Variants in COL7A1 observed in about 807,000 individuals in gnomAD.
COL7A1 encodes the protein collagen type VII alpha 1 chain.
A neutral mutation model predicts 456.2 loss-of-function variants in COL7A1; 296 were observed. The observed-to-expected ratio is 0.65, with a 90% CI of 0.59 to 0.71. COL7A1 has a LOEUF of 0.71. Among genes scored for constraint, COL7A1 ranks in the 30% least tolerant of loss-of-function variants. The pLI is 0.00. For missense variants in COL7A1, 3,441 were observed against 4,017.2 expected, an observed-to-expected ratio of 0.86 and a Z score of 3.88; for synonymous variants, 1,464 against 1,525.9, an observed-to-expected ratio of 0.96 and a Z score of 0.95.
In COL7A1 at chr3:48,587,921, C is replaced by T. The variant is rs373718618; in HGVS notation, c.2729G>A (p.Arg910Gln). ...GCTGCTGAGCTCGGGCCCCAGGACC[C>T]GGGACTGTTCCTGGCCACCTGGGGC... is the stretch of plus-strand genomic sequence containing the variant. The part of the protein sequence containing the change: ...WQPEGGQEQS[R>Q]VLGPELSSYH... Residue 910 changes from arginine to glutamine, a missense_variant, in exon 22 of 119, where the codon CGG becomes CAG. By Grantham distance (43) the Arg-to-Gln change is conservative. Transcript: ENST00000681320. This position sits in a 1 kb window ranked among gnomAD's most constrained non-coding sequence, Gnocchi z 6.1. 3.3e-5 allele frequency: 53 copies of T among 1,598,430 alleles called. No individual in the cohort carries two copies. The highest frequency in any genetic ancestry group is 7.9e-5 in the South Asian group (7 of 89,072).
Position 48,574,466 on chromosome 3 carries a change from T to C in COL7A1, c.6456+22A>G. 2 of 1,614,150 alleles carry C rather than the reference T, an allele frequency of 1.2e-6. No homozygotes were observed. Among genetic ancestry groups the C allele is most frequent in the East Asian group, 2.2e-5 (1 of 44,894 alleles). ...TGAGAGCCACCTTCTTGCACATGTG[T>C]GGCTGTTGGGCAAGGACTTACCGGG... On this transcript the variant is annotated intron_variant, in intron 79 of 118. Coordinates refer to ENST00000681320, the MANE Select transcript of COL7A1 (RefSeq NM_000094.4). The surrounding 1 kb of genome is among the most constrained non-coding windows in gnomAD (Gnocchi z 5.0).
rs1336190540 is a variant in COL7A1 at position 48,570,657 on chromosome 3, A to T, written c.7326T>A (p.Pro2442=). Residue 2442 remains proline (P), a synonymous_variant, in exon 96 of 119, where the codon CCT becomes CCA. Coordinates refer to ENST00000681320, the MANE Select transcript of COL7A1 (RefSeq NM_000094.4). This position sits in a 1 kb window ranked among gnomAD's most constrained non-coding sequence, Gnocchi z 5.5. The part of the protein sequence containing the change: ...REGIPGPLGP[P]GPPGSVGPPG... ...TACTCACCACTGACCCCGGTGGTCC[A>T]GGTGGCCCCAGGGGTCCTGGGATTC... The T allele has an allele frequency of 5.0e-6, 8 of 1,597,112 alleles. No homozygotes were observed. The highest frequency in any genetic ancestry group is 1.1e-5 in the South Asian group (1 of 89,064).
In COL7A1 at chr3:48,586,660, G is replaced by A. The variant is rs2854390; in HGVS notation, c.3306C>T (p.Pro1102=). ...AGCCATTCAGTGGGAACAGTGGGGAGGGCCGATGACTGTAAGACAGCAGGC... is the reference window on the plus strand; with the variant it reads ...AGCCATTCAGTGGGAACAGTGGGGAAGGCCGATGACTGTAAGACAGCAGGC... The part of the protein sequence containing the change: ...QVGLLSYSHR[P]SPLFPLNGSH... The change falls in exon 26 of 119, where the codon CCC becomes CCT. Residue 1102 remains proline, a synonymous_variant. Coordinates refer to ENST00000681320, the MANE Select transcript of COL7A1 (RefSeq NM_000094.4). This position sits in a 1 kb window ranked among gnomAD's most constrained non-coding sequence, Gnocchi z 5.1. 2 of 1,609,122 alleles carry A rather than the reference G, an allele frequency of 1.2e-6. No homozygotes were observed. Among genetic ancestry groups the A allele is most frequent in the South Asian group, 1.1e-5 (1 of 90,516 alleles).
Position 48,581,036 on chromosome 3 carries a change from G to A in COL7A1, c.4935+86C>T, listed in dbSNP as rs985250210. 3.1e-6 allele frequency: 5 copies of A among 1,600,192 alleles called. No homozygotes were observed. The highest frequency in any genetic ancestry group is 1.1e-5 in the South Asian group (1 of 90,592). ...AGCAGCTGGACAGGAGGCAGGGAGTGGATGGATGAACTGGTGGAGCACCAG... is the reference window on the plus strand; with the variant it reads ...AGCAGCTGGACAGGAGGCAGGGAGTAGATGGATGAACTGGTGGAGCACCAG... On this transcript the variant is annotated intron_variant, in intron 53 of 118. Transcript: ENST00000681320. The surrounding 1 kb of genome is among the most constrained non-coding windows in gnomAD (Gnocchi z 5.8).
At position 48,579,433 on chromosome 3, in the gene COL7A1, G is replaced by A. The variant is rs1268234510; in HGVS notation, c.5272-29C>T. The A allele has an allele frequency of 1.2e-6, 2 of 1,614,108 alleles. No individual in the cohort carries two copies. Among genetic ancestry groups the A allele is most frequent in the African/African-American group, 1.3e-5 (1 of 74,942 alleles). ...GAGGGAACAGGGTCAGATAAGAGGT[G>A]AGGGTAAGATGGGGACTTGGCAGAC... On this transcript the variant is annotated intron_variant, in intron 60 of 118. Transcript: ENST00000681320. The surrounding 1 kb of genome is among the most constrained non-coding windows in gnomAD (Gnocchi z 4.4).
In COL7A1 at chr3:48,589,727, G is replaced by T. The variant is rs1398478952; in HGVS notation, c.2051-9C>A. 1.9e-6 allele frequency: 3 copies of T among 1,613,962 alleles called. No homozygotes were observed. Among genetic ancestry groups the T allele is most frequent in the Non-Finnish European group, 2.5e-6 (3 of 1,180,040 alleles). On this transcript the variant is annotated splice_polypyrimidine_tract_variant and intron_variant, in intron 16 of 118. Transcript: ENST00000681320. ...CACTGGGCCCAGTGGGTCTAGTGGG[G>T]AGAGGCAATGGGGAGTCTGCTGGAA...
chr3:48,565,218 G>T lies in COL7A1; in HGVS notation c.8528-17C>A, dbSNP rs1439842580. The stretch of plus-strand genomic sequence containing the variant: ...GTACCCGCTCTGCAGGTAGGGCAGG[G>T]TGTGCTGGGAGCAGTGGCTGCTGGC... On this transcript the variant is annotated splice_polypyrimidine_tract_variant and intron_variant, in intron 116 of 118. Coordinates refer to ENST00000681320, the MANE Select transcript of COL7A1 (RefSeq NM_000094.4). The surrounding 1 kb of genome is among the most constrained non-coding windows in gnomAD (Gnocchi z 4.5). 1.2e-6 allele frequency: 2 copies of T among 1,609,908 alleles called. No homozygotes were observed. Among genetic ancestry groups the T allele is most frequent in the Non-Finnish European group, 8.5e-7 (1 of 1,177,230 alleles).
At position 48,583,375 on chromosome 3, in the gene COL7A1, C is replaced by A; in HGVS notation, c.4437+18G>T. 6.2e-7 allele frequency: 1 copy of A among 1,614,032 alleles called. No homozygotes were observed. Among genetic ancestry groups the A allele is most frequent in the Non-Finnish European group, 8.5e-7 (1 of 1,179,926 alleles). On this transcript the variant is annotated intron_variant, in intron 42 of 118. Transcript: ENST00000681320. The surrounding 1 kb of genome is among the most constrained non-coding windows in gnomAD (Gnocchi z 5.1). ...AGAGTAGCACCCCTCACACCTGAAT[C>A]CCCCAACTGGTACTCACTTTGGGGC... is the stretch of plus-strand genomic sequence containing the variant.
In COL7A1 at chr3:48,578,262, G is replaced by A; in HGVS notation, c.5532+59C>T. On this transcript the variant is annotated intron_variant, in intron 65 of 118. Transcript: ENST00000681320. The surrounding 1 kb of genome is among the most constrained non-coding windows in gnomAD (Gnocchi z 4.7). Reference sequence around the variant, plus strand: ...TCATGTGTTGCTACAGATCTTGGCTGTGTAGGTGTGCTGGCGTTTCTTGGC... The same window carrying A: ...TCATGTGTTGCTACAGATCTTGGCTATGTAGGTGTGCTGGCGTTTCTTGGC... 1 of 1,599,144 alleles carries A rather than the reference G, an allele frequency of 6.3e-7. No homozygotes were observed. The highest frequency in any genetic ancestry group is 8.6e-7 in the Non-Finnish European group (1 of 1,169,024).
Position 48,589,269 on chromosome 3 carries a change from C to T in COL7A1, c.2314+58G>A, listed in dbSNP as rs915728623. 26 of 1,609,900 alleles carry T rather than the reference C, an allele frequency of 1.6e-5. No individual in the cohort carries two copies. The African/African-American group carries it at 2.8e-4, about 17-fold the overall frequency. The stretch of plus-strand genomic sequence containing the variant: ...GGAGGCAGCTGGGCAATCAGGAACA[C>T]ACAGCAGGGCAGGGTAGCTAATGCG... On this transcript the variant is annotated intron_variant, in intron 18 of 118. Transcript: ENST00000681320.
Position 48,572,556 on chromosome 3 carries a change from G to C in COL7A1, c.6901-18C>G. 1 of 1,613,590 alleles carries C rather than the reference G, an allele frequency of 6.2e-7. No individual in the cohort carries two copies. The highest frequency in any genetic ancestry group is 1.1e-5 in the South Asian group (1 of 91,062). On this transcript the variant is annotated intron_variant, in intron 88 of 118. Transcript: ENST00000681320. The surrounding 1 kb of genome is among the most constrained non-coding windows in gnomAD (Gnocchi z 4.6). ...ACCACAGCCTGTGGGGAATGCTAGTGAGTTTCCTCCTCCTCCCCCGCCCCC... is the reference window on the plus strand; with the variant it reads ...ACCACAGCCTGTGGGGAATGCTAGTCAGTTTCCTCCTCCTCCCCCGCCCCC...
rs1451374859 is a variant in COL7A1, at chr3:48,575,669, C to A, written c.5936G>T (p.Gly1979Val). The A allele has an allele frequency of 1.7e-5, 28 of 1,613,498 alleles. No individual in the cohort carries two copies. The highest frequency in any genetic ancestry group is 2.4e-5 in the Non-Finnish European group (28 of 1,180,038). Residue 1979 changes from glycine (G) to valine (V), a missense_variant, in exon 73 of 119, where the codon GGC becomes GTC. Coordinates refer to ENST00000681320, the MANE Select transcript of COL7A1 (RefSeq NM_000094.4). The surrounding 1 kb of genome is among the most constrained non-coding windows in gnomAD (Gnocchi z 6.3). The stretch of plus-strand genomic sequence containing the variant: ...CTGTTCGCCTGAGTCCCCCTTGGGG[C>A]CTCGACGCCGTTCGGGCACAGGCAG... ...SFLPVPERRR[G>V]PKGDSGEQGP...
Position 48,576,466 on chromosome 3 carries a change from G to A in COL7A1, c.5737-31C>T, listed in dbSNP as rs532318858. Reference sequence around the variant, plus strand: ...AACAAGAATGACCAGGTGGGGAAATGGCCCCCAGCCTGGTCAGCCCCCTCA... The same window carrying A: ...AACAAGAATGACCAGGTGGGGAAATAGCCCCCAGCCTGGTCAGCCCCCTCA... On this transcript the variant is annotated intron_variant, in intron 69 of 118. Transcript: ENST00000681320. The A allele has an allele frequency of 1.9e-6, 3 of 1,613,028 alleles. No homozygotes were observed. The East Asian group carries it at 6.7e-5, about 36-fold the overall frequency.
In COL7A1 at chr3:48,567,305, A is replaced by G; in HGVS notation, c.8047-115T>C. The G allele has an allele frequency of 1.5e-6, 2 of 1,325,052 alleles. No individual in the cohort carries two copies. 82.1% of individuals were successfully genotyped at this position (1,325,052 alleles called of 1,614,324 possible). On this transcript the variant is annotated intron_variant, in intron 109 of 118. Coordinates refer to ENST00000681320, the MANE Select transcript of COL7A1 (RefSeq NM_000094.4). This position sits in a 1 kb window ranked among gnomAD's most constrained non-coding sequence, Gnocchi z 4.3. ...TGCCCAAACCTTCTGTAACCCAAGC[A>G]CCTGTGAGCCAACCAGATGTGATCC...
intron 71 of COL7A1, 22 bp downstream of exon 71, chr3:48,576,227 G>A (rs577552180): frequency 1.1e-5 from 17 of 1,613,234 alleles, no homozygotes; most frequent in African/African-American, 5.3e-5. Context: ...AGAGTCAAGG[G>A]GACATCCCAA....
In COL7A1 at chr3:48,567,977, G is replaced by C; in HGVS notation, c.7876-86C>G. ...ACCCTGAAACTAACTCTCCAAACAG[G>C]CCTCAGCTACTCCAACCTCTGACCC... On this transcript the variant is annotated intron_variant, in intron 106 of 118. Transcript: ENST00000681320. The surrounding 1 kb of genome is among the most constrained non-coding windows in gnomAD (Gnocchi z 4.3). The C allele has an allele frequency of 6.2e-7, 1 of 1,601,468 alleles. No individual in the cohort carries two copies. The highest frequency in any genetic ancestry group is 8.6e-7 in the Non-Finnish European group (1 of 1,169,112).
chr3:48,582,869 A>G, intron 44 of COL7A1, 144 bp downstream of exon 44: 1 of 1,328,006 alleles, frequency 7.5e-7, no homozygotes, highest in Non-Finnish European at 1.1e-6. Flanking sequence ...CCTGGGGCTG[A>G]GGGTTAGAGC....
chr3:48,571,949 C>T lies in COL7A1; in HGVS notation c.7068+52G>A, dbSNP rs531778759. On this transcript the variant is annotated intron_variant, in intron 92 of 118. Transcript: ENST00000681320. The surrounding 1 kb of genome is among the most constrained non-coding windows in gnomAD (Gnocchi z 4.6). ...CGGCCCAAGAGTGGCCCCTTATGCCCGCCATCACACTCCTCAGGCCAGGCT... is the reference window on the plus strand; with the variant it reads ...CGGCCCAAGAGTGGCCCCTTATGCCTGCCATCACACTCCTCAGGCCAGGCT... 5.6e-6 allele frequency: 9 copies of T among 1,602,488 alleles called. No individual in the cohort carries two copies. The highest frequency in any genetic ancestry group is 4.5e-5 in the East Asian group (2 of 44,380).
In COL7A1 at chr3:48,574,607, T is replaced by C. The variant is rs762746985; in HGVS notation, c.6394-57A>G. 5.6e-6 allele frequency: 9 copies of C among 1,613,792 alleles called. No individual in the cohort carries two copies. The highest frequency in any genetic ancestry group is 7.6e-6 in the Non-Finnish European group (9 of 1,179,974). ...AGTCCCTGCCACGTGCCCAGGTGCATATGCACACCACCTCTAGTGTGCCCC... is the reference window on the plus strand; with the variant it reads ...AGTCCCTGCCACGTGCCCAGGTGCACATGCACACCACCTCTAGTGTGCCCC... On this transcript the variant is annotated intron_variant, in intron 78 of 118. Transcript: ENST00000681320. The surrounding 1 kb of genome is among the most constrained non-coding windows in gnomAD (Gnocchi z 5.0).
Sources: allele counts gnomAD v4.1 joint callset, GRCh38; gene constraint gnomAD v4.1.1; non-coding constraint Gnocchi (gnomAD v3.1); transcripts MANE v1.5; gene names NCBI Gene and HGNC (gene_info 2026-07-23, HGNC 2026-07-21).